Variants in SLC24A2 observed in about 807,000 individuals in gnomAD.
SLC24A2 encodes sodium/potassium/calcium exchanger 2.
Under a neutral mutation model 62.0 loss-of-function variants are expected in SLC24A2, and 36 were observed. The observed-to-expected ratio is 0.58, with a 90% CI of 0.44 to 0.77. The LOEUF is 0.77. Among genes scored for constraint, SLC24A2 ranks in the 30% least tolerant of loss-of-function variants. SLC24A2 has a pLI of 0.00. For missense variants in SLC24A2, 846 were observed against 817.9 expected (o/e 1.03, Z -0.42); for synonymous variants, 358 against 294.0 (o/e 1.22, Z -2.23).
intron 2 of SLC24A2, among the ~76,000 whole-genome samples, chr9:19,684,605 G>A (rs1390452447): frequency 6.6e-6 from 1 of 152,032 alleles, no homozygotes; most frequent in Non-Finnish European, 1.5e-5. Flanking sequence ...AGGGTTTCAG[G>A]GTAGTGAGTT....
chr9:19,933,918 A>G, the SLC24A2 span, among the ~76,000 whole-genome samples: 142 of 152,326 alleles, frequency 9.3e-4, no homozygotes, highest in African/African-American at 3.3e-3. Context: ...CCAAACAGGC[A>G]AATCCATAGA....
At chr9:19,532,620 T>C (rs537889888) in intron 8 of SLC24A2, among the ~76,000 whole-genome samples, 116 of 152,184 alleles carry the variant, frequency 7.6e-4, no homozygotes, top group Non-Finnish European at 1.2e-3. Flanking sequence ...AAACTGATAA[T>C]TGGGGAAGTG....
the SLC24A2 span, among the ~76,000 whole-genome samples, chr9:20,167,602 G>A: frequency 6.6e-6 from 1 of 152,152 alleles, no homozygotes; most frequent in African/African-American, 2.4e-5. Flanking sequence ...AAGGATCAGT[G>A]TCCCTTGGAC....
chr9:19,636,304 C>CTT (rs1337365576), intron 2 of SLC24A2, among the ~76,000 whole-genome samples: 3 of 42,496 alleles, frequency 7.1e-5, no homozygotes, highest in Non-Finnish European at 1.4e-4. Flanking sequence ...CTTTTCTTTT[C>CTT]TTTTCTTTTC....
the SLC24A2 span, among the ~76,000 whole-genome samples, chr9:19,795,683 G>A: frequency 6.6e-6 from 1 of 151,934 alleles, no homozygotes; most frequent in African/African-American, 2.4e-5. Flanking sequence ...CAGGGAAGAG[G>A]TGGATTTCTT....
chr9:20,040,573 G>C, the SLC24A2 span, among the ~76,000 whole-genome samples: 1 of 152,186 alleles, frequency 6.6e-6, no homozygotes, highest in African/African-American at 2.4e-5. Flanking sequence ...TTCAAGGGCA[G>C]GAATCTGAGT....
the SLC24A2 span, among the ~76,000 whole-genome samples, chr9:19,810,483 C>T: frequency 2.0e-3 from 312 of 152,258 alleles, 3 homozygotes; most frequent in Admixed American, 0.014. Context: ...GTATCAGGAA[C>T]ATGAAGAACT....
rs756290261 is a variant in SLC24A2, at chr9:19,785,957, C to T, written c.910G>A (p.Ala304Thr). 31 of 1,614,100 alleles carry T rather than the reference C, an allele frequency of 1.9e-5. No individual in the cohort carries two copies. The highest frequency in any genetic ancestry group is 2.5e-5 in the Non-Finnish European group (30 of 1,180,022). The change falls in exon 2 of 11, where the codon GCA becomes ACA. Residue 304 changes from alanine to threonine, a missense_variant. Transcript: ENST00000341998. Reference protein sequence around the residue: ...INRNKVVKVTAPEAQAKPSAA... With the variant: ...INRNKVVKVTTPEAQAKPSAA... ...CCAACCTTTGCTTGGGCTTCTGGTG[C>T]TGTCACCTTGACGACCTTATTGCGG...
chr9:20,206,555 T>C, the SLC24A2 span, among the ~76,000 whole-genome samples: 1 of 152,162 alleles, frequency 6.6e-6, no homozygotes, highest in Admixed American at 6.5e-5. Context: ...AGTGGCACAA[T>C]CTCGGCTCAC....
At chr9:19,762,074 T>C (rs1822350888) in intron 2 of SLC24A2, among the ~76,000 whole-genome samples, 1 of 152,232 alleles carries the variant, frequency 6.6e-6, no homozygotes, top group South Asian at 2.1e-4. Context: ...TCCACAATGG[T>C]TGAACTAGTT....
At chr9:19,817,600 C>A in the SLC24A2 span, among the ~76,000 whole-genome samples, 1 of 151,874 alleles carries the variant, frequency 6.6e-6, no homozygotes, top group Non-Finnish European at 1.5e-5. Flanking sequence ...ATATAGAACA[C>A]ATCAGGAAAC....
At chr9:20,262,602 C>G in the SLC24A2 span, among the ~76,000 whole-genome samples, 1 of 152,224 alleles carries the variant, frequency 6.6e-6, no homozygotes, top group African/African-American at 2.4e-5. Flanking sequence ...ATATCTACAA[C>G]TGGGGAGGTG....
the SLC24A2 span, among the ~76,000 whole-genome samples, chr9:19,908,439 T>C: frequency 6.6e-6 from 1 of 151,924 alleles, no homozygotes; most frequent in Non-Finnish European, 1.5e-5. Flanking sequence ...GGACTTCATG[T>C]CTAAAACACC....
chr9:19,649,533 G>A (rs1818740119), intron 2 of SLC24A2, among the ~76,000 whole-genome samples: 1 of 152,128 alleles, frequency 6.6e-6, no homozygotes, highest in African/African-American at 2.4e-5. Context: ...TTTTCTTTCA[G>A]AATTTGAAAA....
intron 2 of SLC24A2, among the ~76,000 whole-genome samples, chr9:19,647,063 C>CGT (rs1491202971): frequency 3.8e-5 from 1 of 26,142 alleles, no homozygotes; most frequent in Non-Finnish European, 6.5e-5. Context: ...CACACACACA[C>CGT]GCGCGCACAC....
rs768302175 is a variant in SLC24A2 at position 19,521,074 on chromosome 9, C to A, written c.1570-14G>T. The A allele has an allele frequency of 6.2e-7, 1 of 1,613,100 alleles. No individual in the cohort carries two copies. Among genetic ancestry groups the A allele is most frequent in the Non-Finnish European group, 8.5e-7 (1 of 1,179,328 alleles). ...TGTCTCTCCAACCTAAATGTCAGGA[C>A]AGGAATAAACATCTCAGTGTTTGAA... is the stretch of plus-strand genomic sequence containing the variant. On this transcript the variant is annotated splice_polypyrimidine_tract_variant and intron_variant, in intron 9 of 10. Transcript: ENST00000341998.
At chr9:19,648,675 C>T (rs541320596) in intron 2 of SLC24A2, among the ~76,000 whole-genome samples, 135 of 152,112 alleles carry the variant, frequency 8.9e-4, no homozygotes, top group African/African-American at 2.9e-3. Context: ...CAGGAGGAAC[C>T]GAGGTAAACA....
At chr9:19,967,513 C>T in the SLC24A2 span, 1 of 152,240 alleles carries the variant, frequency 6.6e-6, no homozygotes. Context: ...TATTCATTAG[C>T]ATTCAGAGTC....
chr9:20,123,433 T>C, the SLC24A2 span, among the ~76,000 whole-genome samples: 1 of 152,220 alleles, frequency 6.6e-6, no homozygotes, highest in Admixed American at 6.5e-5. Context: ...ACTTTTCAAA[T>C]GACAAAGCAA....
Sources: gnomAD v4.1 joint callset for allele counts (sites outside exome capture counted in the v4.1 genomes callset) on GRCh38, gnomAD v4.1.1 for gene constraint, MANE v1.5 for transcripts, NCBI Gene and HGNC (gene_info 2026-07-23, HGNC 2026-07-21) for gene names.